The following PTPRM variants were observed in gnomAD, a reference collection of about 807,000 sequenced individuals.
The protein encoded by PTPRM is protein tyrosine phosphatase receptor type M, also known as receptor-type tyrosine-protein phosphatase mu.
Under a neutral mutation model 186.7 loss-of-function variants are expected in PTPRM, and 47 were observed. The observed-to-expected ratio is 0.25, with a 90% CI of 0.20 to 0.32. The LOEUF (loss-of-function observed/expected upper bound fraction) is 0.32. Among genes scored for constraint, PTPRM ranks in the 10% least tolerant of loss-of-function variants. The pLI is 1.00. For synonymous variants in PTPRM, 668 were observed against 674.9 expected (o/e 0.99, Z 0.16); for missense variants, 1,494 against 1,865.0 (o/e 0.80, Z 3.66).
intron 2 of PTPRM, among the ~76,000 whole-genome samples, chr18:7,886,397 C>T (rs147286468): frequency 1.6e-4 from 24 of 152,318 alleles, no homozygotes; most frequent in African/African-American, 5.3e-4. Flanking sequence ...AGTTAAAGTT[C>T]TTCCTTAATG....
chr18:8,160,507 C>T (rs1362991540), intron 14 of PTPRM, among the ~76,000 whole-genome samples: 2 of 152,118 alleles, frequency 1.3e-5, no homozygotes, highest in African/African-American at 4.8e-5. Flanking sequence ...GCTGCCCAGG[C>T]TGATCTTGAA....
intron 14 of PTPRM, among the ~76,000 whole-genome samples, chr18:8,205,026 G>A (rs1187818916): frequency 6.6e-6 from 1 of 152,076 alleles, no homozygotes; most frequent in African/African-American, 2.4e-5. Context: ...CTCTTACACT[G>A]TTAAACAAAA....
At chr18:8,212,428 TCACTCCCAGTGTGTGTGTATACA>T (rs1370147001) in intron 14 of PTPRM, among the ~76,000 whole-genome samples, 1 of 37,480 alleles carries the variant, frequency 2.7e-5, no homozygotes, top group Non-Finnish European at 5.4e-5. Context: ...TGCTCCTTTG[TCACTCCCAGTGTGTGTGTATACA>T]CACACACACG....
intron 8 of PTPRM, among the ~76,000 whole-genome samples, chr18:8,072,629 A>G (rs959504386): frequency 1.3e-5 from 2 of 152,214 alleles, no homozygotes; most frequent in African/African-American, 2.4e-5. Context: ...TTATCCATCA[A>G]CAAAAGTTAT....
At chr18:7,569,343 C>T (rs936853575) in intron 1 of PTPRM, among the ~76,000 whole-genome samples, 1 of 152,150 alleles carries the variant, frequency 6.6e-6, no homozygotes, top group East Asian at 1.9e-4. Flanking sequence ...AACTTCAATA[C>T]AGAAATATCC....
chr18:8,146,031 T>C (rs1253790147), intron 14 of PTPRM, among the ~76,000 whole-genome samples: 1 of 149,088 alleles, frequency 6.7e-6, no homozygotes, highest in Non-Finnish European at 1.5e-5. Context: ...TTTTCTTTTT[T>C]TTTTTTTTTT....
chr18:8,273,323 C>T (rs933457716), intron 19 of PTPRM, among the ~76,000 whole-genome samples: 2 of 152,144 alleles, frequency 1.3e-5, no homozygotes, highest in African/African-American at 4.8e-5. Flanking sequence ...GAGTGAATAT[C>T]TGTAATTTAC....
In PTPRM at chr18:7,600,336, C is replaced by G. The variant is rs139850529; in HGVS notation, c.73+32445C>G. 3.4e-4 allele frequency among the ~76,000 whole-genome samples: 52 copies of G among 152,282 alleles called. No individual in the cohort carries two copies. The South Asian group carries it at 6.2e-3, about 18-fold the overall frequency. On this transcript the variant is annotated intron_variant, in intron 1 of 32. Coordinates refer to ENST00000580170, the MANE Select transcript of PTPRM (RefSeq NM_001105244.2). ...TTGCCATCATTGTGATTTCTAACAT[C>G]GGCTTTTTCATGATCATCCTACAGA...
intron 22 of PTPRM, among the ~76,000 whole-genome samples, chr18:8,342,858 G>A (rs2095482900): frequency 6.6e-6 from 1 of 151,996 alleles, no homozygotes; most frequent in Non-Finnish European, 1.5e-5. Context: ...GTTCTGCCAG[G>A]AATCTTTATG....
At chr18:8,296,598 T>C (rs1321787604) in intron 20 of PTPRM, 143 bp downstream of exon 20, 1 of 590,772 alleles carries the variant, frequency 1.7e-6, no homozygotes, top group Non-Finnish European at 3.0e-6. Flanking sequence ...ACGCTCGTAC[T>C]AAAGAAAGGA....
chr18:8,108,251 A>G (rs1349623154), intron 11 of PTPRM, among the ~76,000 whole-genome samples: 1 of 152,166 alleles, frequency 6.6e-6, no homozygotes, highest in Non-Finnish European at 1.5e-5. Context: ...AAATCAAGCC[A>G]AAAGTCACTA....
At chr18:8,004,494 G>C (rs1163894114) in intron 7 of PTPRM, among the ~76,000 whole-genome samples, 4 of 151,878 alleles carry the variant, frequency 2.6e-5, no homozygotes, top group African/African-American at 9.7e-5. Flanking sequence ...TGTTCTAACA[G>C]GCTTGGAACT....
intron 1 of PTPRM, among the ~76,000 whole-genome samples, chr18:7,711,849 A>G (rs2040220729): frequency 6.6e-6 from 1 of 152,138 alleles, no homozygotes; most frequent in South Asian, 2.1e-4. Flanking sequence ...TCTTATAGGT[A>G]AAACCCCCAT....
At chr18:7,904,050 G>T (rs188196712) in intron 3 of PTPRM, among the ~76,000 whole-genome samples, 3 of 151,924 alleles carry the variant, frequency 2.0e-5, no homozygotes, top group Non-Finnish European at 2.9e-5. Flanking sequence ...TTGATTTTTC[G>T]TATGAACTAA....
Position 8,036,123 on chromosome 18 carries a change from A to G in PTPRM, c.1133-33563A>G, listed in dbSNP as rs912448416. On this transcript the variant is annotated intron_variant, in intron 7 of 32. Coordinates refer to ENST00000580170, the MANE Select transcript of PTPRM (RefSeq NM_001105244.2). ...CAACTGGTGGTGGTTACTGTGAGAA[A>G]GGAAGACTTGGAGGATCATGATAGC... 4.6e-5 allele frequency among the ~76,000 whole-genome samples: 7 copies of G among 152,222 alleles called. No homozygotes were observed. The South Asian group carries it at 6.2e-4, about 14-fold the overall frequency.
At chr18:7,663,878 C>T (rs2039033472) in intron 1 of PTPRM, among the ~76,000 whole-genome samples, 1 of 152,146 alleles carries the variant, frequency 6.6e-6, no homozygotes, top group Admixed American at 6.5e-5. Flanking sequence ...GGACTAGCTG[C>T]CAGGTCCCTC....
chr18:7,613,028 A>G (rs2037715166), intron 1 of PTPRM, among the ~76,000 whole-genome samples: 1 of 152,158 alleles, frequency 6.6e-6, no homozygotes, highest in Non-Finnish European at 1.5e-5. Context: ...TACCTGGCTC[A>G]GGAAACCAGC....
At chr18:8,011,003 C>T (rs1158328768) in intron 7 of PTPRM, among the ~76,000 whole-genome samples, 3 of 152,114 alleles carry the variant, frequency 2.0e-5, no homozygotes, top group African/African-American at 7.2e-5. Flanking sequence ...ATATAAGAGG[C>T]ATTGATGAAC....
intron 3 of PTPRM, among the ~76,000 whole-genome samples, chr18:7,889,888 G>A (rs1447978125): frequency 1.3e-5 from 2 of 152,304 alleles, no homozygotes; most frequent in Middle Eastern, 6.8e-3. Context: ...TGGGGGCTCT[G>A]TGGAGACCTG....
Sources: gnomAD v4.1 joint callset for allele counts (sites outside exome capture counted in the v4.1 genomes callset) on GRCh38, gnomAD v4.1.1 for gene constraint, MANE v1.5 for transcripts, NCBI Gene and HGNC (gene_info 2026-07-23, HGNC 2026-07-21) for gene names.